Variants in PIBF1 observed in about 807,000 individuals in gnomAD.
PIBF1 encodes the protein progesterone immunomodulatory binding factor 1, also known as progesterone-induced-blocking factor 1.
Under a neutral mutation model 112.5 loss-of-function variants are expected in PIBF1, and 90 were observed. The ratio of observed to expected loss-of-function variants is 0.80; its 90% CI spans 0.67 to 0.95. The LOEUF (loss-of-function observed/expected upper bound fraction) is 0.95. Ranked by LOEUF, PIBF1 falls within the 40% of genes least tolerant of loss-of-function variation. The probability of loss-of-function intolerance (pLI) is 0.00; values close to 1 mark genes in which losing one functional copy is unlikely to be tolerated. For missense variants in PIBF1, 915 were observed against 852.3 expected (o/e 1.07, Z -0.92); for synonymous variants, 301 against 288.6 (o/e 1.04, Z -0.44).
intron 17 of PIBF1, among the ~76,000 whole-genome samples, chr13:73,005,089 C>T (rs1389136122): frequency 6.6e-6 from 1 of 151,996 alleles, no homozygotes; most frequent in African/African-American, 2.4e-5. Flanking sequence ...GCAGGAGAAT[C>T]ACTTGAACCT....
intron 13 of PIBF1, among the ~76,000 whole-genome samples, chr13:72,929,436 A>T (rs1050395808): frequency 6.6e-6 from 1 of 152,174 alleles, no homozygotes; most frequent in Non-Finnish European, 1.5e-5. Flanking sequence ...AGAAAGATTA[A>T]TGGTTCCCTA....
At chr13:72,969,664 C>T (rs2042838982) in intron 15 of PIBF1, 1 of 152,178 alleles carries the variant, frequency 6.6e-6, no homozygotes. Context: ...CACATTCCTT[C>T]ATCCCTACTC....
intron 16 of PIBF1, among the ~76,000 whole-genome samples, chr13:72,981,822 C>T (rs2043164809): frequency 6.6e-6 from 1 of 152,140 alleles, no homozygotes; most frequent in African/African-American, 2.4e-5. Flanking sequence ...TAAATATGTT[C>T]AACTCTCTCA....
intron 10 of PIBF1, among the ~76,000 whole-genome samples, chr13:72,867,230 T>G (rs1435377944): frequency 6.6e-6 from 1 of 152,190 alleles, no homozygotes; most frequent in South Asian, 2.1e-4. Flanking sequence ...AAGCTCTCTC[T>G]CTTTGTCTGC....
chr13:72,876,218 C>T (rs2039396079), intron 10 of PIBF1, among the ~76,000 whole-genome samples: 1 of 129,320 alleles, frequency 7.7e-6, no homozygotes, highest in Non-Finnish European at 1.6e-5. Context: ...CCAGTATTCC[C>T]TTTGTCTTTT....
At chr13:72,965,839 A>G (rs779387801) in intron 15 of PIBF1, among the ~76,000 whole-genome samples, 5 of 152,202 alleles carry the variant, frequency 3.3e-5, no homozygotes, top group Non-Finnish European at 7.4e-5. Context: ...AGGAATTTTT[A>G]GGCTTTTCTT....
chr13:72,826,600 C>G (rs1158761725), intron 6 of PIBF1, among the ~76,000 whole-genome samples: 3 of 151,748 alleles, frequency 2.0e-5, no homozygotes, highest in African/African-American at 7.3e-5. Flanking sequence ...GCCTACGTAT[C>G]TACTATGCAA....
chr13:72,882,708 C>A (rs1326528248), intron 10 of PIBF1, among the ~76,000 whole-genome samples: 1 of 152,176 alleles, frequency 6.6e-6, no homozygotes, highest in South Asian at 2.1e-4. Context: ...CACTGATCAT[C>A]AGAGAAATGC....
intron 10 of PIBF1, among the ~76,000 whole-genome samples, chr13:72,877,719 A>G (rs1184971540): frequency 2.0e-5 from 3 of 149,120 alleles, no homozygotes; most frequent in African/African-American, 4.9e-5. Flanking sequence ...TGTAATAATG[A>G]CCACTGTTTC....
At chr13:72,789,907 A>G (rs2034808901) in intron 2 of PIBF1, among the ~76,000 whole-genome samples, 1 of 152,204 alleles carries the variant, frequency 6.6e-6, no homozygotes, top group Admixed American at 6.5e-5. Flanking sequence ...AACATGTAAC[A>G]GTATTCTTGA....
chr13:72,985,253 C>T (rs965903736), intron 16 of PIBF1, among the ~76,000 whole-genome samples: 4 of 150,822 alleles, frequency 2.7e-5, no homozygotes, highest in Non-Finnish European at 5.9e-5. Flanking sequence ...CCAGGCCGGG[C>T]GCAGTGGCTC....
intron 1 of PIBF1, among the ~76,000 whole-genome samples, chr13:72,782,639 A>G (rs1162785714): frequency 6.6e-6 from 1 of 152,186 alleles, no homozygotes; most frequent in African/African-American, 2.4e-5. Flanking sequence ...TTGTTATATC[A>G]TGAGGTATTA....
intron 16 of PIBF1, chr13:72,974,015 GATAATTTGTGTTGAGCTTTAAAGTTC>G: frequency 3.2e-6 from 1 of 308,728 alleles, no homozygotes; most frequent in Non-Finnish European, 5.8e-6. Context: ...CTGTAGTGTA[GATAATTTGTGTTGAGCTTTAAAGTTC>G]ATAAAATTAT....
At chr13:72,896,190 A>G (rs1230135240) in intron 11 of PIBF1, among the ~76,000 whole-genome samples, 2 of 152,160 alleles carry the variant, frequency 1.3e-5, no homozygotes, top group Non-Finnish European at 2.9e-5. Context: ...AGCTATACCC[A>G]GAAGAGCGAC....
At chr13:72,809,350 T>C (rs2035892699) in intron 5 of PIBF1, among the ~76,000 whole-genome samples, 2 of 151,764 alleles carry the variant, frequency 1.3e-5, no homozygotes. Flanking sequence ...AAAACAAAAA[T>C]TTGTGTTCCA....
Position 72,965,337 on chromosome 13 carries a change from G to T in PIBF1, c.1897G>T (p.Val633Leu). The T allele has an allele frequency of 1.2e-6, 2 of 1,609,618 alleles. No individual in the cohort carries two copies. The highest frequency in any genetic ancestry group is 1.7e-6 in the Non-Finnish European group (2 of 1,176,292). Residue 633 changes from valine to leucine, a missense_variant, in exon 15 of 18, where the codon GTG (valine) becomes TTG (leucine). Coordinates refer to ENST00000326291, the MANE Select transcript of PIBF1 (RefSeq NM_006346.4). Reference sequence around the variant, plus strand: ...GCCTTACAGGTATCTCATTGAATCAGTGCGTCAGAGAGATTCTAAGATTGA... The same window carrying T: ...GCCTTACAGGTATCTCATTGAATCATTGCGTCAGAGAGATTCTAAGATTGA... ...QQPYRYLIES[V>L]RQRDSKIDSL... is the part of the protein sequence containing the mutation.
chr13:72,801,121 T>G (rs1214843002), intron 5 of PIBF1, among the ~76,000 whole-genome samples: 1 of 152,164 alleles, frequency 6.6e-6, no homozygotes, highest in Non-Finnish European at 1.5e-5. Context: ...GTAGTTAAGA[T>G]CAGAGAGGTA....
chr13:72,817,427 T>C (rs1402483992), intron 5 of PIBF1, among the ~76,000 whole-genome samples: 1 of 152,220 alleles, frequency 6.6e-6, no homozygotes, highest in Non-Finnish European at 1.5e-5. Context: ...TCCATTTCTT[T>C]ATGTTTGAAA....
intron 11 of PIBF1, among the ~76,000 whole-genome samples, chr13:72,895,327 A>G (rs1480197947): frequency 6.7e-6 from 1 of 149,274 alleles, no homozygotes; most frequent in Non-Finnish European, 1.5e-5. Context: ...ATAATATTTA[A>G]AATAATATAT....
Sources: gnomAD v4.1 joint callset for allele counts (sites outside exome capture counted in the v4.1 genomes callset) on GRCh38, gnomAD v4.1.1 for gene constraint, MANE v1.5 for transcripts, NCBI Gene and HGNC (gene_info 2026-07-23, HGNC 2026-07-21) for gene names.